Variants in RGS20 observed in about 807,000 individuals in gnomAD.
The protein encoded by RGS20 is gz-selective GTPase-activating protein.
A neutral mutation model predicts 33.6 loss-of-function variants in RGS20; 30 were observed. The observed-to-expected ratio is 0.89, with a 90% CI of 0.67 to 1.21. The LOEUF (loss-of-function observed/expected upper bound fraction) is 1.21. Ranked by LOEUF, RGS20 falls within the 50% of genes most tolerant of loss-of-function variation. The pLI is 0.00. For synonymous variants in RGS20, 208 were observed against 197.9 expected (o/e 1.05, Z -0.43); for missense variants, 472 against 502.4 (o/e 0.94, Z 0.58).
chr8:53,900,169 A>G (rs914879679), intron 2 of RGS20, among the ~76,000 whole-genome samples: 1 of 152,152 alleles, frequency 6.6e-6, no homozygotes, highest in Non-Finnish European at 1.5e-5. Flanking sequence ...ATTTGTTTAC[A>G]GTCTTTTTTT....
chr8:53,883,669 G>C (rs1812460534), intron 2 of RGS20, among the ~76,000 whole-genome samples: 1 of 152,140 alleles, frequency 6.6e-6, no homozygotes. Context: ...GCTCAGCAGA[G>C]CACGGTGGCT....
At chr8:53,939,436 A>G in intron 2 of RGS20, 140 bp from the exon 2 acceptor site, 1 of 874,938 alleles carries the variant, frequency 1.1e-6, no homozygotes, top group African/African-American at 1.7e-5. Flanking sequence ...TAAGCACTAA[A>G]TTTTACGAGA....
intron 3 of RGS20, among the ~76,000 whole-genome samples, chr8:53,941,497 G>T (rs1038208551): frequency 2.6e-5 from 4 of 152,088 alleles, no homozygotes; most frequent in African/African-American, 9.7e-5. Context: ...ATACAACGGG[G>T]TCAAATATTG....
chr8:53,862,227 A>G (rs1385917953), intron 1 of RGS20, among the ~76,000 whole-genome samples: 1 of 152,220 alleles, frequency 6.6e-6, no homozygotes, highest in Non-Finnish European at 1.5e-5. Flanking sequence ...CCCTTTAAAA[A>G]AAGAAACAAA....
At chr8:53,925,231 C>G (rs994091630) in intron 2 of RGS20, among the ~76,000 whole-genome samples, 2 of 152,182 alleles carry the variant, frequency 1.3e-5, no homozygotes, top group African/African-American at 4.8e-5. Context: ...AAAGTGAGAT[C>G]ATTGCCCCAG....
intron 2 of RGS20, among the ~76,000 whole-genome samples, chr8:53,882,894 C>T (rs2129275186): frequency 6.6e-6 from 1 of 152,250 alleles, no homozygotes; most frequent in Middle Eastern, 3.4e-3. Flanking sequence ...GTGGCAGGGC[C>T]CTGGCGTGGC....
At chr8:53,858,776 G>A (rs975463067) in intron 1 of RGS20, among the ~76,000 whole-genome samples, 2 of 151,740 alleles carry the variant, frequency 1.3e-5, no homozygotes, top group South Asian at 4.2e-4. Context: ...GCTGGGGCAA[G>A]CTCAAAAGAT....
chr8:53,952,718 T>C (rs1229464711), intron 4 of RGS20, among the ~76,000 whole-genome samples: 1 of 152,074 alleles, frequency 6.6e-6, no homozygotes, highest in Admixed American at 6.6e-5. Flanking sequence ...AAAGAGAGAC[T>C]CTGTCTCAAG....
chr8:53,920,546 C>T (rs373589188), intron 2 of RGS20, among the ~76,000 whole-genome samples: 231 of 151,960 alleles, frequency 1.5e-3, no homozygotes, highest in African/African-American at 5.2e-3. Context: ...GCCTTACTGC[C>T]GAGGCTGGAG....
intron 2 of RGS20, among the ~76,000 whole-genome samples, chr8:53,909,577 CTGT>C (rs1199830135): frequency 6.6e-6 from 1 of 151,692 alleles, no homozygotes; most frequent in African/African-American, 2.4e-5. Flanking sequence ...TTTTTAAAGG[CTGT>C]TATTATAATA....
intron 1 of RGS20, among the ~76,000 whole-genome samples, chr8:53,878,569 T>C (rs1812259668): frequency 6.6e-6 from 1 of 152,138 alleles, no homozygotes; most frequent in Non-Finnish European, 1.5e-5. Flanking sequence ...TCACTTGTAG[T>C]AGCAGCCCTA....
intron 2 of RGS20, among the ~76,000 whole-genome samples, chr8:53,911,537 T>A (rs556839984): frequency 7.2e-6 from 1 of 138,570 alleles, no homozygotes; most frequent in East Asian, 2.0e-4. Context: ...TAGATACTTT[T>A]CTGAAAAAAT....
At chr8:53,859,086 G>T (rs1811749499) in intron 1 of RGS20, among the ~76,000 whole-genome samples, 3 of 152,024 alleles carry the variant, frequency 2.0e-5, no homozygotes, top group Admixed American at 2.0e-4. Flanking sequence ...GGACATGAGG[G>T]TTCATGAAGA....
intron 2 of RGS20, among the ~76,000 whole-genome samples, chr8:53,919,415 C>T (rs980332571): frequency 6.6e-6 from 1 of 150,658 alleles, no homozygotes; most frequent in Non-Finnish European, 1.5e-5. Context: ...AATCTCGGCT[C>T]ACTGCAACCT....
At chr8:53,951,932 G>A (rs371093052) in intron 4 of RGS20, among the ~76,000 whole-genome samples, 78 of 150,364 alleles carry the variant, frequency 5.2e-4, no homozygotes, top group African/African-American at 1.1e-3. Context: ...CAGGAGAATC[G>A]CTTGAACCCG....
In RGS20 at chr8:53,923,700, A is replaced by G. The variant is rs142005167; in HGVS notation, c.511-15876A>G. On this transcript the variant is annotated intron_variant, in intron 2 of 5. Transcript: ENST00000297313. ...GAGGGTCTACGTCCCTCACGTAGCC[A>G]TTCGGGAACCAAACTGCAGATGATG... 3.8e-3 allele frequency among the ~76,000 whole-genome samples: 572 copies of G among 152,254 alleles called. 4 individuals are homozygous for G. Among genetic ancestry groups the G allele is most frequent in the African/African-American group, 0.012 (517 of 41,562 alleles).
At chr8:53,939,131 GC>G (rs1278611123) in intron 2 of RGS20, among the ~76,000 whole-genome samples, 2 of 152,168 alleles carry the variant, frequency 1.3e-5, no homozygotes, top group African/African-American at 2.4e-5. Flanking sequence ...TAGCTGGGCC[GC>G]CCTTCCCATG....
At chr8:53,954,355 T>A in intron 5 of RGS20, 45 bp downstream of exon 4, 1 of 1,327,248 alleles carries the variant, frequency 7.5e-7, no homozygotes, top group Non-Finnish European at 1.1e-6. Flanking sequence ...TTGGTAAAAT[T>A]AACTTGGTGC....
intron 3 of RGS20, among the ~76,000 whole-genome samples, chr8:53,943,996 T>C (rs528264683): frequency 5.9e-4 from 87 of 146,360 alleles, no homozygotes; most frequent in African/African-American, 2.0e-3. Flanking sequence ...AAAATAGAGC[T>C]ACACACACAC....
Sources: allele counts gnomAD v4.1 joint callset (sites outside exome capture counted in the v4.1 genomes callset), GRCh38; gene constraint gnomAD v4.1.1; transcripts MANE v1.5; gene names NCBI Gene and HGNC (gene_info 2026-07-23, HGNC 2026-07-21).